Variants in LMF1 observed in about 807,000 individuals in gnomAD.
The protein encoded by LMF1 is transmembrane protein 112.
In LMF1, 68 loss-of-function variants were observed where a neutral mutation model predicts 60.6. That is an observed-to-expected ratio of 1.12 (90% CI 0.92 to 1.37). LMF1 has a LOEUF of 1.37. Among genes scored for constraint, LMF1 ranks in the 40% most tolerant of loss-of-function variants. The pLI is 0.00. For synonymous variants in LMF1, 418 were observed against 324.7 expected, an observed-to-expected ratio of 1.29 and a Z score of -3.09; for missense variants, 948 against 767.2, an observed-to-expected ratio of 1.24 and a Z score of -2.78.
intron 5 of LMF1, 40 bp downstream of exon 5, chr16:892,967 A>T: frequency 6.7e-7 from 1 of 1,489,662 alleles, no homozygotes. Context: ...GGGCGGCGTG[A>T]GACCGGGTGC....
At chr16:973,066 A>T (rs2073079750), upstream of LMF1, among the ~76,000 whole-genome samples, 1 of 152,276 alleles carries the variant, frequency 6.6e-6, no homozygotes, top group Non-Finnish European at 1.5e-5. Flanking sequence ...ATCAAAAAGA[A>T]TCCAGGAGCC....
intron 3 of LMF1, among the ~76,000 whole-genome samples, chr16:928,295 T>C (rs776392974): frequency 1.3e-5 from 2 of 152,172 alleles, no homozygotes; most frequent in Non-Finnish European, 2.9e-5. Flanking sequence ...TGGCCCAGCA[T>C]GGAGGAAGGC....
At chr16:944,847 C>T (rs1260757503) in intron 2 of LMF1, among the ~76,000 whole-genome samples, 1 of 152,128 alleles carries the variant, frequency 6.6e-6, no homozygotes, top group Non-Finnish European at 1.5e-5. Context: ...TCATCCCTGC[C>T]CCTTTGGTGC....
At chr16:978,878 A>C in intron 1 of LMF1, 1 of 418,670 alleles carries the variant, frequency 2.4e-6, no homozygotes, top group Non-Finnish European at 4.9e-6. Flanking sequence ...GTCATCAGAC[A>C]CTCTGCTCTA....
intron 3 of LMF1, among the ~76,000 whole-genome samples, chr16:911,369 G>A (rs1400219470): frequency 6.6e-6 from 1 of 152,100 alleles, no homozygotes; most frequent in Non-Finnish European, 1.5e-5. Flanking sequence ...CTGCCACCCT[G>A]CAGGACGCTG....
chr16:915,871 G>A (rs769881645), intron 3 of LMF1, among the ~76,000 whole-genome samples: 43 of 152,068 alleles, frequency 2.8e-4, no homozygotes, highest in Non-Finnish European at 5.6e-4. Flanking sequence ...GGACGCGGGG[G>A]CCGGAGCAGG....
chr16:977,260 G>A (rs914544672), intron 1 of LMF1, among the ~76,000 whole-genome samples: 2 of 152,200 alleles, frequency 1.3e-5, no homozygotes, highest in Non-Finnish European at 2.9e-5. Flanking sequence ...GCCAGCACCC[G>A]AGACAGTGAA....
At position 853,872 on chromosome 16, in the gene LMF1, C is replaced by G. The variant is rs1213321045; in HGVS notation, c.*660G>C. ...GTGTCCATCTGCACCTCACAGACAC[C>G]AGTCATGGGGGGATGAAACCGGGCC... is the stretch of plus-strand genomic sequence containing the variant. On this transcript the variant is annotated 3_prime_UTR_variant, in exon 11 of 11. Transcript: ENST00000262301. 2.2e-6 allele frequency: 1 copy of G among 453,958 alleles called. No homozygotes were observed. Among genetic ancestry groups the G allele is most frequent in the African/African-American group, 2.0e-5 (1 of 49,972 alleles). 28.1% of individuals were successfully genotyped at this position (453,958 alleles called of 1,614,324 possible).
At chr16:975,039 C>G (rs2073109460), upstream of LMF1, among the ~76,000 whole-genome samples, 1 of 152,194 alleles carries the variant, frequency 6.6e-6, no homozygotes, top group Non-Finnish European at 1.5e-5. Flanking sequence ...CCACGTGAGG[C>G]TGGCAGGTGC....
intron 6 of LMF1, 56 bp downstream of exon 6, chr16:879,514 G>A (rs535410728): frequency 4.4e-6 from 7 of 1,584,672 alleles, no homozygotes; most frequent in African/African-American, 1.3e-5. Flanking sequence ...GCCAGAAATA[G>A]GGCGACGGGC....
chr16:915,194 A>G (rs117682411), intron 3 of LMF1, among the ~76,000 whole-genome samples: 1,853 of 152,170 alleles, frequency 0.012, 22 homozygotes, highest in South Asian at 0.097. Context: ...CCAAGGGATG[A>G]CTCTGGGGAC....
chr16:892,848 A>T (rs1226800251), intron 5 of LMF1, among the ~76,000 whole-genome samples, 159 bp downstream of exon 5: 2 of 152,050 alleles, frequency 1.3e-5, no homozygotes, highest in African/African-American at 4.8e-5. Flanking sequence ...CCGTGTGACC[A>T]CCCACCCCGT....
chr16:952,331 T>C, intron 2 of LMF1, among the ~76,000 whole-genome samples: 1 of 151,430 alleles, frequency 6.6e-6, no homozygotes, highest in South Asian at 2.1e-4. Flanking sequence ...GGTGCCCTGA[T>C]GCCAGCTGCA....
intron 2 of LMF1, among the ~76,000 whole-genome samples, chr16:948,044 C>CCAACGACAGAGTCAGAGA (rs879856462): frequency 0.049 from 6,778 of 139,678 alleles, 315 homozygotes; most frequent in Non-Finnish European, 0.057. Flanking sequence ...ACAGAGTCAG[C>CCAACGACAGAGTCAGAGA]CAATGACAGA....
chr16:977,403 C>T (rs958995561), intron 1 of LMF1, among the ~76,000 whole-genome samples: 1 of 152,184 alleles, frequency 6.6e-6, no homozygotes, highest in African/African-American at 2.4e-5. Context: ...CGGGGCCTTT[C>T]CCAGCCTCTG....
intron 2 of LMF1, among the ~76,000 whole-genome samples, chr16:952,268 C>A (rs2072491896): frequency 6.6e-6 from 1 of 152,106 alleles, no homozygotes; most frequent in South Asian, 2.1e-4. Context: ...GTGGGGACCC[C>A]CCTTACAAGT....
chr16:882,853 C>T (rs554425711), intron 5 of LMF1, among the ~76,000 whole-genome samples: 143 of 145,454 alleles, frequency 9.8e-4, no homozygotes, highest in African/African-American at 3.5e-3. Flanking sequence ...AGCCGCCCAG[C>T]GGAGCCCATC....
At chr16:977,613 C>A (rs1472078508) in intron 1 of LMF1, among the ~76,000 whole-genome samples, 1 of 152,124 alleles carries the variant, frequency 6.6e-6, no homozygotes, top group Admixed American at 6.5e-5. Flanking sequence ...CCGGGCCCTC[C>A]CTGTGCTTCT....
chr16:976,797 A>G (rs2073158973), intron 1 of LMF1: 2 of 454,004 alleles, frequency 4.4e-6, no homozygotes, highest in Non-Finnish European at 8.8e-6. Context: ...GGGAGAGAGC[A>G]GTGCTGGTCT....
Sources: allele counts gnomAD v4.1 joint callset (sites outside exome capture counted in the v4.1 genomes callset), GRCh38; gene constraint gnomAD v4.1.1; transcripts MANE v1.5; gene names NCBI Gene and HGNC (gene_info 2026-07-23, HGNC 2026-07-21).